SLC9B2: variants seen among roughly 807,000 people sequenced by gnomAD.
SLC9B2 encodes sodium/hydrogen exchanger 9B2.
SLC9B2 carries 39 observed loss-of-function variants against 52.2 expected under a neutral mutation model. The observed-to-expected ratio is 0.75, with a 90% CI of 0.58 to 0.98. SLC9B2 has a LOEUF of 0.98. SLC9B2 is among the 50% of genes least tolerant of loss of function. The pLI is 0.00. For synonymous variants in SLC9B2, 214 were observed against 227.0 expected (o/e 0.94, Z 0.51); for missense variants, 626 against 637.5 (o/e 0.98, Z 0.19).
intron 2 of SLC9B2, among the ~76,000 whole-genome samples, chr4:103,066,989 TAA>T (rs758350083): frequency 2.1e-5 from 3 of 143,460 alleles, no homozygotes; most frequent in Admixed American, 7.0e-5. Flanking sequence ...ATGCAAATAT[TAA>T]AAAAAAAAAA....
At chr4:103,068,624 G>C (rs1353857561) in intron 1 of SLC9B2, among the ~76,000 whole-genome samples, 2 of 152,200 alleles carry the variant, frequency 1.3e-5, no homozygotes, top group African/African-American at 4.8e-5. Context: ...GGACTGCCAA[G>C]CATTGGGGTA....
At chr4:103,059,471 C>T (rs967434085) in intron 3 of SLC9B2, among the ~76,000 whole-genome samples, 3 of 152,188 alleles carry the variant, frequency 2.0e-5, no homozygotes, top group Admixed American at 6.5e-5. Flanking sequence ...GCTTCATCCA[C>T]ATGTGTTTTA....
At chr4:103,077,101 T>C (rs1404518758), upstream of SLC9B2, 1 of 152,240 alleles carries the variant, frequency 6.6e-6, no homozygotes, top group Non-Finnish European at 1.5e-5. Flanking sequence ...TGTCTTCCTT[T>C]TCTCTGTATT....
At position 103,045,502 on chromosome 4, in the gene SLC9B2, T is replaced by G. The variant is rs980144915; in HGVS notation, c.890-506A>C. ...AGAAAGTAGCTAATTAGCTTTAGTCTCTGGTATATTGAGGTGATTAAAAAA... is the reference window on the plus strand; with the variant it reads ...AGAAAGTAGCTAATTAGCTTTAGTCGCTGGTATATTGAGGTGATTAAAAAA... On this transcript the variant is annotated intron_variant, in intron 7 of 11. Coordinates refer to ENST00000394785, the MANE Select transcript of SLC9B2 (RefSeq NM_178833.7). Among the ~76,000 whole-genome samples, 23 of 151,852 alleles carry G rather than the reference T, an allele frequency of 1.5e-4. No individual in the cohort carries two copies. In the South Asian group the frequency reaches 1.9e-3, roughly 12 times the overall value.
chr4:103,059,786 C>T (rs1308304972), intron 3 of SLC9B2, among the ~76,000 whole-genome samples: 2 of 152,174 alleles, frequency 1.3e-5, no homozygotes, highest in Admixed American at 6.5e-5. Context: ...TAATTCATGA[C>T]ATAGAAACAC....
intron 3 of SLC9B2, 141 bp downstream of exon 3, chr4:103,066,186 C>A (rs1746104545): frequency 3.2e-6 from 3 of 946,634 alleles, no homozygotes; most frequent in South Asian, 1.7e-5. Flanking sequence ...AGCAGAGCCA[C>A]CCATGTGTGT....
intron 9 of SLC9B2, among the ~76,000 whole-genome samples, chr4:103,041,114 C>G (rs139770323): frequency 1.8e-3 from 267 of 152,244 alleles, no homozygotes; most frequent in African/African-American, 5.9e-3. Context: ...ATTTCACCCC[C>G]AAATTTTACT....
downstream of SLC9B2, among the ~76,000 whole-genome samples, chr4:103,018,160 G>A (rs1741495887): frequency 9.2e-5 from 14 of 152,268 alleles, no homozygotes; most frequent in South Asian, 2.7e-3. Flanking sequence ...AACAGGATGA[G>A]TACAAAAATA....
intron 9 of SLC9B2, among the ~76,000 whole-genome samples, chr4:103,033,227 T>C (rs1320466651): frequency 6.6e-6 from 1 of 152,016 alleles, no homozygotes; most frequent in South Asian, 2.1e-4. Context: ...ATCTGTACCA[T>C]GTGTAACAGA....
chr4:103,035,822 G>A (rs896192817), intron 9 of SLC9B2, among the ~76,000 whole-genome samples: 3 of 152,090 alleles, frequency 2.0e-5, no homozygotes, highest in South Asian at 2.1e-4. Flanking sequence ...ACACATGAAC[G>A]TGTACGTTCA....
rs868093294 is a variant in SLC9B2, at chr4:103,055,092, C to A, written c.442+2709G>T. Among the ~76,000 whole-genome samples the A allele has an allele frequency of 1.4e-4, 21 of 152,206 alleles. No individual in the cohort carries two copies. The Middle Eastern group carries it at 0.01, about 74-fold the overall frequency. On this transcript the variant is annotated intron_variant, in intron 4 of 11. Transcript: ENST00000394785. ...GATGAGTTCGTGTCCTTTACAGGGA[C>A]ATGGATGAAGCTGGAAACCATCGTT...
intron 9 of SLC9B2, among the ~76,000 whole-genome samples, chr4:103,034,548 A>C (rs983912438): frequency 5.3e-5 from 8 of 152,196 alleles, no homozygotes; most frequent in Non-Finnish European, 1.0e-4. Flanking sequence ...TCTGCAAACC[A>C]TGCATCTGAC....
At position 103,024,908 on chromosome 4, in the gene SLC9B2, A is replaced by G. The variant is rs1194376982; in HGVS notation, c.*1462T>C. Among the ~76,000 whole-genome samples, 1 of 152,214 alleles carries G rather than the reference A, an allele frequency of 6.6e-6. No individual in the cohort carries two copies. Among genetic ancestry groups the G allele is most frequent in the East Asian group, 1.9e-4 (1 of 5,204 alleles). ...TCTTCTAATATTTTCTCTGCTGGCA[A>G]GTCACAATTTCTGAAATCCCTGCCA... is the stretch of plus-strand genomic sequence containing the variant. On this transcript the variant is annotated 3_prime_UTR_variant, in exon 12 of 12. Transcript: ENST00000394785.
downstream of SLC9B2, chr4:103,020,524 C>G (rs1741709984): frequency 3.4e-6 from 1 of 290,558 alleles, no homozygotes; most frequent in African/African-American, 2.3e-5. Context: ...TGCCTCAGTG[C>G]GTTCTGTAAA....
rs997814868 is a variant in SLC9B2 at position 103,043,436 on chromosome 4, C to A, written c.1006G>T (p.Val336Leu). Reference protein sequence around the residue: ...YFPSRDQDKLVCKRTFLVLGL... With the variant: ...YFPSRDQDKLLCKRTFLVLGL... ...AACACAAGGAATGTTCTCTTACACA[C>A]AAGTTTGTCCTTTAGGAGAAAAAAA... The change falls in exon 9 of 12, where the codon GTG becomes TTG. Residue 336 changes from valine (V) to leucine (L), a missense_variant. Coordinates refer to ENST00000394785, the MANE Select transcript of SLC9B2 (RefSeq NM_178833.7). The A allele has an allele frequency of 2.5e-6, 4 of 1,599,436 alleles. No individual in the cohort carries two copies. Among genetic ancestry groups the A allele is most frequent in the Non-Finnish European group, 3.4e-6 (4 of 1,175,916 alleles).
At chr4:103,033,106 CAT>C (rs922649729) in intron 9 of SLC9B2, among the ~76,000 whole-genome samples, 2 of 152,086 alleles carry the variant, frequency 1.3e-5, no homozygotes, top group African/African-American at 4.8e-5. Context: ...CTTTGTAACA[CAT>C]AATGCAAAAG....
In SLC9B2 at chr4:103,067,605, A is replaced by C. The variant is rs755874160; in HGVS notation, c.-42-13T>G. 1 of 1,333,878 alleles carries C rather than the reference A, an allele frequency of 7.5e-7. No individual in the cohort carries two copies. The highest frequency in any genetic ancestry group is 1.2e-5 in the South Asian group (1 of 85,158). 82.6% of individuals were successfully genotyped at this position (1,333,878 alleles called of 1,614,324 possible). ...AGAGGAACGAGATCTGTTTTGAAAG[A>C]GTATAGATATAGAGCAGTAATTTGA... On this transcript the variant is annotated splice_polypyrimidine_tract_variant and intron_variant, in intron 1 of 11. Transcript: ENST00000394785.
chr4:103,051,936 A>G (rs1279286684), intron 4 of SLC9B2, among the ~76,000 whole-genome samples: 1 of 152,192 alleles, frequency 6.6e-6, no homozygotes, highest in African/African-American at 2.4e-5. Context: ...TGGAAGTTCC[A>G]TAATTTTTGG....
intron 4 of SLC9B2, among the ~76,000 whole-genome samples, chr4:103,055,278 T>C (rs955340296): frequency 2.0e-5 from 3 of 149,576 alleles, no homozygotes; most frequent in Non-Finnish European, 4.5e-5. Context: ...TTAGGAGATA[T>C]ACCTAATGTA....
Sources: allele counts gnomAD v4.1 joint callset (sites outside exome capture counted in the v4.1 genomes callset), GRCh38; gene constraint gnomAD v4.1.1; transcripts MANE v1.5; gene names NCBI Gene and HGNC (gene_info 2026-07-23, HGNC 2026-07-21).